Variants in DUS2 observed in about 807,000 individuals in gnomAD.
The protein encoded by DUS2 is dihydrouridine synthase 2.
DUS2 carries 52 observed loss-of-function variants against 71.3 expected under a neutral mutation model. The observed-to-expected ratio is 0.73, with a 90% CI of 0.58 to 0.92. The LOEUF (loss-of-function observed/expected upper bound fraction) is 0.92, where lower values mean the gene tolerates loss of function less well. DUS2 is among the 40% of genes least tolerant of loss of function. The pLI, the probability that DUS2 is intolerant of heterozygous loss-of-function variation, is 0.00. For missense variants in DUS2, 558 were observed against 622.6 expected, an observed-to-expected ratio of 0.90 and a Z score of 1.10; for synonymous variants, 204 against 227.8, an observed-to-expected ratio of 0.90 and a Z score of 0.94.
chr16:68,037,386 C>T (rs1380476799), intron 2 of DUS2, among the ~76,000 whole-genome samples: 2 of 151,412 alleles, frequency 1.3e-5, no homozygotes, highest in Non-Finnish European at 2.9e-5. Context: ...GAGTTCAAGA[C>T]CAGCCTGGCC....
chr16:68,036,759 C>T (rs1364139548), intron 2 of DUS2, among the ~76,000 whole-genome samples: 1 of 152,224 alleles, frequency 6.6e-6, no homozygotes, highest in Non-Finnish European at 1.5e-5. Context: ...GCTTTAACCA[C>T]ATTGGCTTTC....
chr16:68,072,653 T>G (rs1373328559), intron 12 of DUS2, among the ~76,000 whole-genome samples: 2 of 150,862 alleles, frequency 1.3e-5, no homozygotes, highest in African/African-American at 4.9e-5. Context: ...CGTGGCACTT[T>G]CCCAGCCACT....
At chr16:68,060,404 C>G (rs1281697097) in intron 7 of DUS2, among the ~76,000 whole-genome samples, 1 of 152,176 alleles carries the variant, frequency 6.6e-6, no homozygotes, top group East Asian at 1.9e-4. Context: ...ACCTCCACCT[C>G]CTGGGTTCAA....
Position 68,066,623 on chromosome 16 carries a change from G to A in DUS2, c.541G>A (p.Ala181Thr), listed in dbSNP as rs767190581. 4.5e-5 allele frequency: 73 copies of A among 1,613,958 alleles called. No homozygotes were observed. Among genetic ancestry groups the A allele is most frequent in the Middle Eastern group, 1.6e-4 (1 of 6,080 alleles). The change falls in exon 10 of 17, where the codon GCA becomes ACA. Residue 181 changes from alanine (A) to threonine (T), a missense_variant. Ala to Thr is a moderately conservative substitution (Grantham distance 58). Transcript: ENST00000565263. ...RIERTGIAAI[A>T]VHGRKREERP... ...AGAGAGGACTGGCATTGCTGCCATC[G>A]CAGTTCATGGGAGGTGAGTGGTCAC...
rs1598307243 is a variant in DUS2 at position 68,049,733 on chromosome 16, C to T, written c.172+183C>T. Among the ~76,000 whole-genome samples, 3 of 152,322 alleles carry T rather than the reference C, an allele frequency of 2.0e-5. 1 individual carries two copies. The highest frequency in any genetic ancestry group is 4.1e-4 in the South Asian group (2 of 4,830). ...CCATGACAAAAAGCCTGATGTGAAA[C>T]AGGCTGAGAGTGCCTTTCACTCACA... On this transcript the variant is annotated intron_variant, in intron 4 of 16. Coordinates refer to ENST00000565263, the MANE Select transcript of DUS2 (RefSeq NM_017803.5).
chr16:68,028,368 G>T (rs2033386972), intron 2 of DUS2, among the ~76,000 whole-genome samples: 2 of 152,096 alleles, frequency 1.3e-5, no homozygotes, highest in African/African-American at 4.8e-5. Flanking sequence ...AGGCGCGGTG[G>T]CTCACACCTG....
chr16:68,056,927 T>C (rs2033861978), intron 7 of DUS2, among the ~76,000 whole-genome samples: 1 of 142,994 alleles, frequency 7.0e-6, no homozygotes, highest in South Asian at 2.1e-4. Flanking sequence ...AATATAATAA[T>C]ACACATATAT....
At chr16:68,058,865 C>G (rs1419837022) in intron 7 of DUS2, among the ~76,000 whole-genome samples, 12 of 152,184 alleles carry the variant, frequency 7.9e-5, no homozygotes, top group Non-Finnish European at 7.3e-5. Context: ...CATGTACATA[C>G]TAGCTGAATA....
At chr16:68,054,913 C>T (rs1343861722) in intron 6 of DUS2, among the ~76,000 whole-genome samples, 3 of 151,972 alleles carry the variant, frequency 2.0e-5, no homozygotes, top group African/African-American at 7.3e-5. Flanking sequence ...TGTGGTGGCG[C>T]GTGCCTGTAG....
intron 10 of DUS2, among the ~76,000 whole-genome samples, chr16:68,069,021 A>C (rs2034048180): frequency 6.6e-6 from 1 of 152,108 alleles, no homozygotes; most frequent in African/African-American, 2.4e-5. Context: ...ATGGGCTAAA[A>C]GTGACCATTG....
At chr16:68,050,676 T>A (rs1406912888) in intron 4 of DUS2, among the ~76,000 whole-genome samples, 6 of 152,194 alleles carry the variant, frequency 3.9e-5, no homozygotes, top group Non-Finnish European at 7.4e-5. Flanking sequence ...TATATCTATA[T>A]CTGTATCTAT....
chr16:68,061,664 A>T (rs753756540), intron 8 of DUS2, among the ~76,000 whole-genome samples: 6 of 152,172 alleles, frequency 3.9e-5, no homozygotes. Flanking sequence ...GGCTAGCTTA[A>T]TGAGGCCCTG....
intron 7 of DUS2, among the ~76,000 whole-genome samples, chr16:68,058,142 AGAT>A (rs2033887768): frequency 6.6e-6 from 1 of 151,790 alleles, no homozygotes; most frequent in Non-Finnish European, 1.5e-5. Context: ...GTCGAGTGGG[AGAT>A]GATGAAGAAG....
chr16:68,034,864 C>T (rs1031204803), intron 2 of DUS2, among the ~76,000 whole-genome samples: 13 of 152,112 alleles, frequency 8.5e-5, no homozygotes, highest in Non-Finnish European at 2.9e-5. Flanking sequence ...GGCATGGTGG[C>T]GCATGCCTGT....
chr16:68,076,594 T>C (rs1407718104), intron 14 of DUS2, 38 bp from the exon 15 acceptor site: 2 of 1,527,376 alleles, frequency 1.3e-6, no homozygotes, highest in South Asian at 1.1e-5. Flanking sequence ...GGAGCGGTGA[T>C]GGTGGGTGAC....
chr16:68,074,076 T>G lies in DUS2; in HGVS notation c.853T>G (p.Leu285Val). Residue 285 changes from leucine (L) to valine (V), a missense_variant, in exon 13 of 17, where the codon TTG becomes GTG. By Grantham distance (32) the Leu-to-Val change is conservative (BLOSUM62 1). Transcript: ENST00000565263. ...CCACTACACCAACACCAAGTACTGCTTGTGCCAGATGCTACGAGAACAGCT... is the reference window on the plus strand; with the variant it reads ...CCACTACACCAACACCAAGTACTGCGTGTGCCAGATGCTACGAGAACAGCT... ...DNHYTNTKYC[L>V]CQMLREQLES... 6.2e-7 allele frequency: 1 copy of G among 1,614,212 alleles called. No homozygotes were observed. Among genetic ancestry groups the G allele is most frequent in the Non-Finnish European group, 8.5e-7 (1 of 1,180,032 alleles).
At chr16:68,073,752 A>G (rs763008281) in intron 12 of DUS2, among the ~76,000 whole-genome samples, 1 of 151,256 alleles carries the variant, frequency 6.6e-6, no homozygotes, top group Non-Finnish European at 1.5e-5. Flanking sequence ...CCCAGCCGAT[A>G]ATTTTCTTTT....
In DUS2 at chr16:68,074,057, C is replaced by T; in HGVS notation, c.834C>T (p.Tyr278=). The T allele has an allele frequency of 2.5e-6, 4 of 1,614,198 alleles. No homozygotes were observed. Among genetic ancestry groups the T allele is most frequent in the Non-Finnish European group, 3.4e-6 (4 of 1,180,012 alleles). The part of the protein sequence containing the change: ...IRYAVQYDNH[Y]TNTKYCLCQM... Reference sequence around the variant, plus strand: ...AGGCGGTGCAGTATGACAACCACTACACCAACACCAAGTACTGCTTGTGCC... The same window carrying T: ...AGGCGGTGCAGTATGACAACCACTATACCAACACCAAGTACTGCTTGTGCC... Residue 278 remains tyrosine, a synonymous_variant, in exon 13 of 17, where the codon TAC becomes TAT. Coordinates refer to ENST00000565263, the MANE Select transcript of DUS2 (RefSeq NM_017803.5).
chr16:68,070,816 A>C, intron 11 of DUS2, 124 bp from the exon 12 acceptor site: 2 of 941,456 alleles, frequency 2.1e-6, no homozygotes, highest in Admixed American at 2.4e-5. Flanking sequence ...TGAAGCTCTG[A>C]TAGCTGAAGG....
Sources: allele counts gnomAD v4.1 joint callset (sites outside exome capture counted in the v4.1 genomes callset), GRCh38; gene constraint gnomAD v4.1.1; transcripts MANE v1.5; gene names NCBI Gene and HGNC (gene_info 2026-07-23, HGNC 2026-07-21).